MAP4: variants seen among roughly 807,000 people sequenced by gnomAD.
MAP4 encodes the protein microtubule-associated protein 4.
A neutral mutation model predicts 170.2 loss-of-function variants in MAP4; 76 were observed. That is an observed-to-expected ratio of 0.45 (90% CI 0.37 to 0.54). MAP4 has a LOEUF of 0.54. Among genes scored for constraint, MAP4 ranks in the 20% least tolerant of loss-of-function variants. MAP4 has a pLI of 0.00. For synonymous variants in MAP4, 909 were observed against 994.5 expected (o/e 0.91, Z 1.62); for missense variants, 2,506 against 2,748.0 (o/e 0.91, Z 1.97).
intron 1 of MAP4, among the ~76,000 whole-genome samples, chr3:48,044,460 T>G (rs2100123331): frequency 6.6e-6 from 1 of 150,500 alleles, no homozygotes; most frequent in Non-Finnish European, 1.5e-5. Context: ...CGGCCGCCAC[T>G]CTGTAATTTT....
At chr3:47,915,087 G>T in intron 7 of MAP4, 148 bp from the exon 8 acceptor site, 4 of 840,902 alleles carry the variant, frequency 4.8e-6, no homozygotes, top group Non-Finnish European at 7.5e-6. Context: ...GGAAGCTGAA[G>T]TTGGGAAGGT....
At position 47,852,601 on chromosome 3, in the gene MAP4, C is replaced by CCCCAACCCCCT. The variant is rs2044667054; in HGVS notation, c.*322_*332dup. 1 of 758,920 alleles carries CCCCAACCCCCT rather than the reference C, an allele frequency of 1.3e-6. No individual in the cohort carries two copies. The highest frequency in any genetic ancestry group is 2.0e-6 in the Non-Finnish European group (1 of 490,428). 47.0% of individuals were successfully genotyped at this position (758,920 alleles called of 1,614,324 possible). A position where few individuals can be genotyped will look rare whatever the true frequency, so the allele number is the denominator to read the frequency against. ...CTAGATCCCAACTTAGCCTCAACCA[C>CCCCAACCCCCT]CCCAACCCCCTCCCAACCTCCTCCA... On this transcript the variant is annotated 3_prime_UTR_variant, in exon 21 of 21. Transcript: ENST00000683076.
intron 1 of MAP4, among the ~76,000 whole-genome samples, chr3:48,057,646 GA>G (rs569379277): frequency 0.2 from 26,669 of 131,852 alleles, 3,772 homozygotes; most frequent in African/African-American, 0.42. Context: ...AGAAAAAAAA[GA>G]AAAAAAAAAA....
At chr3:48,031,317 C>A (rs938599557) in intron 1 of MAP4, among the ~76,000 whole-genome samples, 11 of 152,238 alleles carry the variant, frequency 7.2e-5, no homozygotes, top group Admixed American at 5.2e-4. Flanking sequence ...TTTGGGAAGC[C>A]AAAGTAGGGG....
intron 19 of MAP4, among the ~76,000 whole-genome samples, chr3:47,854,219 C>T (rs1284840237): frequency 6.6e-6 from 1 of 152,224 alleles, no homozygotes; most frequent in Non-Finnish European, 1.5e-5. Context: ...GGTCCACGCT[C>T]GCTCGCTGTG....
intron 1 of MAP4, among the ~76,000 whole-genome samples, chr3:48,076,578 C>T (rs905982968): frequency 6.6e-6 from 1 of 150,716 alleles, no homozygotes; most frequent in Non-Finnish European, 1.5e-5. Context: ...ACTCAGGAGA[C>T]TGAGGTGGAA....
intron 15 of MAP4, 77 bp downstream of exon 15, chr3:47,870,736 G>A: frequency 3.5e-6 from 5 of 1,417,924 alleles, no homozygotes; most frequent in Non-Finnish European, 4.7e-6. Flanking sequence ...TCTTTGGTGG[G>A]CCTGGGAACA....
chr3:47,854,725 T>C (rs747396694), intron 19 of MAP4, among the ~76,000 whole-genome samples: 1 of 61,538 alleles, frequency 1.6e-5, no homozygotes, highest in Non-Finnish European at 2.9e-5. Flanking sequence ...CCCAGAGCCC[T>C]GCAGAGGGAG....
At chr3:47,981,490 C>T (rs1229055849) in intron 2 of MAP4, among the ~76,000 whole-genome samples, 2 of 152,004 alleles carry the variant, frequency 1.3e-5, no homozygotes, top group Non-Finnish European at 2.9e-5. Context: ...AAGAACCTGG[C>T]CAGGTGCAGT....
chr3:47,970,909 A>G (rs2100078294), intron 3 of MAP4, among the ~76,000 whole-genome samples: 1 of 152,220 alleles, frequency 6.6e-6, no homozygotes, highest in Non-Finnish European at 1.5e-5. Flanking sequence ...CAAAGCCCCA[A>G]AAGAAACTGA....
chr3:47,966,438 G>A (rs962979174), intron 3 of MAP4, among the ~76,000 whole-genome samples: 3 of 151,306 alleles, frequency 2.0e-5, no homozygotes, highest in Non-Finnish European at 2.9e-5. Context: ...TAGTAGAGAC[G>A]GGGTTTCACC....
chr3:47,952,659 A>T (rs137940588), intron 3 of MAP4, among the ~76,000 whole-genome samples: 6,635 of 146,928 alleles, frequency 0.045, 182 homozygotes, highest in Non-Finnish European at 0.067. Context: ...TAAATAAATT[A>T]AAAAAAAAAT....
At chr3:47,928,198 T>C (rs770919456) in intron 4 of MAP4, 30 bp downstream of exon 4, 7 of 1,612,630 alleles carry the variant, frequency 4.3e-6, no homozygotes. Context: ...ATAGCACACA[T>C]TTAGTAGTCA....
intron 1 of MAP4, among the ~76,000 whole-genome samples, chr3:48,063,452 AC>A (rs1398052674): frequency 6.6e-6 from 1 of 152,050 alleles, no homozygotes; most frequent in Non-Finnish European, 1.5e-5. Context: ...TTCTTACAAT[AC>A]TAAACATACT....
rs368579061 is a variant in MAP4 at position 47,984,619 on chromosome 3, C to T, written c.224-6686G>A. Among the ~76,000 whole-genome samples the T allele has an allele frequency of 5.3e-5, 8 of 150,620 alleles. No individual in the cohort carries two copies. In the East Asian group the frequency reaches 9.9e-4, roughly 19 times the overall value. ...GGGTGGGGAGAGCAGATGGCTTGAG[C>T]CCAGGAGTTCAAGACCAGCCTGGGT... On this transcript the variant is annotated intron_variant, in intron 2 of 20. Transcript: ENST00000683076.
chr3:47,904,209 G>A (rs1162259385), intron 9 of MAP4, among the ~76,000 whole-genome samples: 2 of 152,164 alleles, frequency 1.3e-5, no homozygotes, highest in African/African-American at 2.4e-5. Flanking sequence ...CTGAAAAATG[G>A]AGATAATCTT....
chr3:47,856,161 CGT>C (rs2055926345), intron 18 of MAP4, among the ~76,000 whole-genome samples: 1 of 152,172 alleles, frequency 6.6e-6, no homozygotes, highest in African/African-American at 2.4e-5. Flanking sequence ...CGCCCAGCAG[CGT>C]GGTTTCCCTT....
chr3:48,034,891 T>A (rs760279790), intron 1 of MAP4, among the ~76,000 whole-genome samples: 1 of 151,948 alleles, frequency 6.6e-6, no homozygotes, highest in Admixed American at 6.6e-5. Context: ...CACATGCCTG[T>A]AATCCCAGCT....
Position 47,853,217 on chromosome 3 carries a change from CT to C in MAP4, c.6831del (p.Gly2279ValfsTer66). ...TGGGCCTCCCTTTGGTCACCACCCC[CT>C]GACAGGGTGGGGTGGCCATTGAGGC... Reference protein sequence around the residue: ...ASGLNGHPTLSGGGDQREAQT... With the variant: ...ASGLNGHPTLXGGGDQREAQT... On this transcript the variant is annotated frameshift_variant, in exon 20 of 21. Transcript: ENST00000683076. LOFTEE classifies it high-confidence loss of function. 1.3e-6 allele frequency: 2 copies of C among 1,580,210 alleles called. No homozygotes were observed. Among genetic ancestry groups the C allele is most frequent in the Non-Finnish European group, 8.6e-7 (1 of 1,161,858 alleles).
Sources: allele counts gnomAD v4.1 joint callset (sites outside exome capture counted in the v4.1 genomes callset), GRCh38; gene constraint gnomAD v4.1.1; transcripts MANE v1.5; gene names NCBI Gene and HGNC (gene_info 2026-07-23, HGNC 2026-07-21).